Variants in PURA observed in about 807,000 individuals in gnomAD.
PURA encodes transcriptional activator protein Pur-alpha.
In PURA, 2 loss-of-function variants were observed where a neutral mutation model predicts 23.1. The ratio of observed to expected loss-of-function variants is 0.09; its 90% CI spans 0.04 to 0.27. PURA has a LOEUF of 0.27. PURA is among the 10% of genes least tolerant of loss of function. The pLI is 1.00. For synonymous variants in PURA, 254 were observed against 205.9 expected (o/e 1.23, Z -2.00); for missense variants, 187 against 449.7 (o/e 0.42, Z 5.28).
In PURA at chr5:140,114,228, G is replaced by C. The variant is rs1225708436; in HGVS notation, c.47G>C (p.Gly16Ala). 1.8e-6 allele frequency: 2 copies of C among 1,109,268 alleles called. No individual in the cohort carries two copies. Among genetic ancestry groups the C allele is most frequent in the Non-Finnish European group, 2.3e-6 (2 of 888,040 alleles). 68.7% of individuals were successfully genotyped at this position (1,109,268 alleles called of 1,614,324 possible). A position where few individuals can be genotyped will look rare whatever the true frequency, so the allele number is the denominator to read the frequency against. ...AGCGAGCAGGGTGGTGCGGCGCTGG[G>C]TTCGGGCGGCTCCCTGGGGCACCCC... is the stretch of plus-strand genomic sequence containing the variant. ...SGSEQGGAAL[G>A]SGGSLGHPGS... Residue 16 changes from glycine to alanine, a missense_variant, in exon 1 of 1, where the codon GGT (glycine) becomes GCT (alanine). Physicochemically the swap from Gly to Ala is moderately conservative, Grantham distance 60. Transcript: ENST00000331327.
rs1308471186 is a variant in PURA, at chr5:140,118,586, G to A, written c.*3436G>A. 6.0e-6 allele frequency: 1 copy of A among 166,906 alleles called. No homozygotes were observed. Among genetic ancestry groups the A allele is most frequent in the Non-Finnish European group, 1.5e-5 (1 of 68,036 alleles). 10.3% of individuals were successfully genotyped at this position (166,906 alleles called of 1,614,324 possible). Reference sequence around the variant, plus strand: ...ACAACAAAGGAAGTTCATAAGAAAAGCCATGTCGGCTTTTCCTCTACTAGA... The same window carrying A: ...ACAACAAAGGAAGTTCATAAGAAAAACCATGTCGGCTTTTCCTCTACTAGA... On this transcript the variant is annotated 3_prime_UTR_variant, in exon 1 of 1. Transcript: ENST00000331327.
rs766744555 is a variant in PURA at position 140,114,331 on chromosome 5, C to T, written c.150C>T (p.Ala50=). 1 of 1,448,220 alleles carries T rather than the reference C, an allele frequency of 6.9e-7. No individual in the cohort carries two copies. Among genetic ancestry groups the T allele is most frequent in the East Asian group, 2.8e-5 (1 of 36,352 alleles). The allele number at this position is 1,448,220 out of a possible 1,614,324, so 89.7% of individuals were successfully genotyped here. ...GGGSGGGGGG[A]PGGLQHETQE... ...GCAGTGGCGGCGGCGGCGGCGGGGC[C>T]CCAGGGGGGCTGCAGCACGAGACGC... The change falls in exon 1 of 1, where the codon GCC becomes GCT. Residue 50 remains alanine, a synonymous_variant. Transcript: ENST00000331327.
chr5:140,116,530 T>C lies in PURA; in HGVS notation c.*1380T>C, dbSNP rs1274893380. ...TCAAAAGTATGTTCTATAACTCATA[T>C]ATTCAAGGTGTAGGGTATGAAAATG... is the stretch of plus-strand genomic sequence containing the variant. On this transcript the variant is annotated 3_prime_UTR_variant, in exon 1 of 1. Coordinates refer to ENST00000331327, the MANE Select transcript of PURA (RefSeq NM_005859.5). The C allele has an allele frequency of 6.0e-6, 1 of 167,076 alleles. No homozygotes were observed. The highest frequency in any genetic ancestry group is 1.5e-5 in the Non-Finnish European group (1 of 68,110). 10.3% of individuals were successfully genotyped at this position (167,076 alleles called of 1,614,324 possible). A position where few individuals can be genotyped will look rare whatever the true frequency, so the allele number is the denominator to read the frequency against.
chr5:140,119,238 GAGAT>G lies in PURA; in HGVS notation c.*4089_*4092del, dbSNP rs1314725882. On this transcript the variant is annotated 3_prime_UTR_variant, in exon 1 of 1. Transcript: ENST00000331327. ...AAGACTGCCTCCTTTTTTGAAGAGA[GAGAT>G]TAAGGATTTTTATAATTGTTTTTCA... The G allele has an allele frequency of 3.0e-5, 5 of 166,840 alleles. No individual in the cohort carries two copies. The allele number at this position is 166,840 out of a possible 1,614,324, so 10.3% of individuals were successfully genotyped here. A position where few individuals can be genotyped will look rare whatever the true frequency, so the allele number is the denominator to read the frequency against.
Position 140,114,115 on chromosome 5 carries a change from G to A in PURA, c.-67G>A, listed in dbSNP as rs188901068. ...GGAGCCGGGGAGGGAAAGCAGCGGC[G>A]GCTGAGGCGACTGAGGCGGCGGGCG... On this transcript the variant is annotated 5_prime_UTR_variant, in exon 1 of 1. Coordinates refer to ENST00000331327, the MANE Select transcript of PURA (RefSeq NM_005859.5). The A allele has an allele frequency of 5.9e-6, 2 of 336,848 alleles. No homozygotes were observed. Among genetic ancestry groups the A allele is most frequent in the Admixed American group, 5.3e-5 (1 of 18,994 alleles). 20.9% of individuals were successfully genotyped at this position (336,848 alleles called of 1,614,324 possible). A position where few individuals can be genotyped will look rare whatever the true frequency, so the allele number is the denominator to read the frequency against.
Position 140,120,000 on chromosome 5 carries a change from AAGTG to A in PURA, c.*4853_*4856del, listed in dbSNP as rs768595284. On this transcript the variant is annotated 3_prime_UTR_variant, in exon 1 of 1. Coordinates refer to ENST00000331327, the MANE Select transcript of PURA (RefSeq NM_005859.5). ...ATTTTAAGATTTTCTTCACCATAAAAAGTGAGATACCAAGTCTAATGACTTTTTT... is the reference window on the plus strand; with the variant it reads ...ATTTTAAGATTTTCTTCACCATAAAAAGATACCAAGTCTAATGACTTTTTT... The A allele has an allele frequency of 6.0e-6, 1 of 166,808 alleles. No homozygotes were observed. The allele number at this position is 166,808 out of a possible 1,614,324, so 10.3% of individuals were successfully genotyped here. A position where few individuals can be genotyped will look rare whatever the true frequency, so the allele number is the denominator to read the frequency against.
chr5:140,115,156 CTGAA>C lies in PURA; in HGVS notation c.*11_*14del. ...AAGAAGGGGAAGAAGATTGATCAAA[CTGAA>C]TGAAACCCCCACACACACACACATG... On this transcript the variant is annotated 3_prime_UTR_variant, in exon 1 of 1. Transcript: ENST00000331327. The surrounding 1 kb of genome is among the most constrained non-coding windows in gnomAD (Gnocchi z 4.1). The C allele has an allele frequency of 6.7e-7, 1 of 1,497,430 alleles. No homozygotes were observed. The highest frequency in any genetic ancestry group is 1.3e-5 in the South Asian group (1 of 76,214). 92.8% of individuals were successfully genotyped at this position (1,497,430 alleles called of 1,614,324 possible). A position where few individuals can be genotyped will look rare whatever the true frequency, so the allele number is the denominator to read the frequency against.
chr5:140,114,946 C>T lies in PURA; in HGVS notation c.765C>T (p.Asn255=), dbSNP rs1461146272. Residue 255 remains asparagine, a synonymous_variant, in exon 1 of 1, where the codon AAC becomes AAT. Coordinates refer to ENST00000331327, the MANE Select transcript of PURA (RefSeq NM_005859.5). ...GCGAGGTGAAGCCCACCTATCGCAA[C>T]TCCATCACCGTGCCCTACAAGGTGT... ...RVSEVKPTYR[N]SITVPYKVWA... is the part of the protein sequence containing the mutation. 6.2e-7 allele frequency: 1 copy of T among 1,614,252 alleles called. No homozygotes were observed. Among genetic ancestry groups the T allele is most frequent in the Admixed American group, 1.7e-5 (1 of 60,034 alleles).
rs991549757 is a variant in PURA at position 140,120,517 on chromosome 5, G to C, written c.*5367G>C. The C allele has an allele frequency of 1.2e-5, 2 of 166,506 alleles. No individual in the cohort carries two copies. The highest frequency in any genetic ancestry group is 4.8e-5 in the African/African-American group (2 of 41,392). The allele number at this position is 166,506 out of a possible 1,614,324, so 10.3% of individuals were successfully genotyped here. ...CTTTGCAGATTTTGTGATATATTAA[G>C]AAAAGCTGATTTTAATATTAATATT... is the stretch of plus-strand genomic sequence containing the variant. On this transcript the variant is annotated 3_prime_UTR_variant, in exon 1 of 1. Coordinates refer to ENST00000331327, the MANE Select transcript of PURA (RefSeq NM_005859.5).
rs1763039263 is a variant in PURA at position 140,114,315 on chromosome 5, G to C, written c.134G>C (p.Gly45Ala). 7.6e-7 allele frequency: 1 copy of C among 1,318,876 alleles called. No homozygotes were observed. The highest frequency in any genetic ancestry group is 9.6e-7 in the Non-Finnish European group (1 of 1,041,338). 81.7% of individuals were successfully genotyped at this position (1,318,876 alleles called of 1,614,324 possible). ...GGCGGGGGCGGCGGCGGCAGTGGCG[G>C]CGGCGGCGGCGGGGCCCCAGGGGGG... is the stretch of plus-strand genomic sequence containing the variant. ...GGGGGGGGSG[G>A]GGGGAPGGLQ... Residue 45 changes from glycine to alanine, a missense_variant, in exon 1 of 1, where the codon GGC (glycine) becomes GCC (alanine). Around this residue, in one of 9 missense-constraint regions of PURA, gnomAD observed 27 missense variants for 55.2 expected, o/e 0.49. Transcript: ENST00000331327.
At position 140,117,652 on chromosome 5, in the gene PURA, C is replaced by G. The variant is rs1278393891; in HGVS notation, c.*2502C>G. On this transcript the variant is annotated 3_prime_UTR_variant, in exon 1 of 1. Transcript: ENST00000331327. ...GATGCGAGTTCTTTCATGAGGTTTTCTTTAGGGCCAGAGTTACCTAAAGTG... is the reference window on the plus strand; with the variant it reads ...GATGCGAGTTCTTTCATGAGGTTTTGTTTAGGGCCAGAGTTACCTAAAGTG... 2 of 166,872 alleles carry G rather than the reference C, an allele frequency of 1.2e-5. No individual in the cohort carries two copies. Among genetic ancestry groups the G allele is most frequent in the African/African-American group, 4.8e-5 (2 of 41,446 alleles). 10.3% of individuals were successfully genotyped at this position (166,872 alleles called of 1,614,324 possible).
Position 140,116,499 on chromosome 5 carries a change from C to T in PURA, c.*1349C>T, listed in dbSNP as rs768382923. 2 of 166,962 alleles carry T rather than the reference C, an allele frequency of 1.2e-5. No individual in the cohort carries two copies. Among genetic ancestry groups the T allele is most frequent in the African/African-American group, 2.4e-5 (1 of 41,400 alleles). The allele number at this position is 166,962 out of a possible 1,614,324, so 10.3% of individuals were successfully genotyped here. On this transcript the variant is annotated 3_prime_UTR_variant, in exon 1 of 1. Coordinates refer to ENST00000331327, the MANE Select transcript of PURA (RefSeq NM_005859.5). ...ATTTGTGTTCCCCAAGTGTACAAGC[C>T]TTCTATCAAAAGTATGTTCTATAAC...
In PURA at chr5:140,114,827, G is replaced by T. The variant is rs1244177092; in HGVS notation, c.646G>T (p.Ala216Ser). Residue 216 changes from alanine (A) to serine (S), a missense_variant, in exon 1 of 1, where the codon GCC becomes TCC. Physicochemically the swap from Ala to Ser is moderately conservative, Grantham distance 99. Coordinates refer to ENST00000331327, the MANE Select transcript of PURA (RefSeq NM_005859.5). ...CGACTACGGAGTGGAGGAGGAGCCG[G>T]CCGAGCTGCCCGAGGGCACCTCCTT... Reference protein sequence around the residue: ...IDDYGVEEEPAELPEGTSLTV... With the variant: ...IDDYGVEEEPSELPEGTSLTV... The T allele has an allele frequency of 6.2e-7, 1 of 1,614,168 alleles. No individual in the cohort carries two copies. Among genetic ancestry groups the T allele is most frequent in the Non-Finnish European group, 8.5e-7 (1 of 1,179,996 alleles).
In PURA at chr5:140,114,789, C is replaced by T. The variant is rs2126749271; in HGVS notation, c.608C>T (p.Ala203Val). ...QGLIEFRDAL[A>V]KLIDDYGVEE... ...CTCATCGAGTTCCGTGACGCTCTGGCCAAGCTCATCGACGACTACGGAGTG... is the reference window on the plus strand; with the variant it reads ...CTCATCGAGTTCCGTGACGCTCTGGTCAAGCTCATCGACGACTACGGAGTG... The change falls in exon 1 of 1, where the codon GCC (alanine) becomes GTC (valine). Residue 203 changes from alanine to valine, a missense_variant. This residue lies in a region of PURA where 65 missense variants were observed against 158.6 expected (regional missense o/e 0.41). Coordinates refer to ENST00000331327, the MANE Select transcript of PURA (RefSeq NM_005859.5). 6.2e-7 allele frequency: 1 copy of T among 1,613,694 alleles called. No homozygotes were observed. The highest frequency in any genetic ancestry group is 1.1e-5 in the South Asian group (1 of 91,058).
At position 140,119,151 on chromosome 5, in the gene PURA, TATA is replaced by T. The variant is rs1763122286; in HGVS notation, c.*4004_*4006del. 1 of 166,862 alleles carries T rather than the reference TATA, an allele frequency of 6.0e-6. No individual in the cohort carries two copies. The highest frequency in any genetic ancestry group is 2.4e-5 in the African/African-American group (1 of 41,432). The allele number at this position is 166,862 out of a possible 1,614,324, so 10.3% of individuals were successfully genotyped here. On this transcript the variant is annotated 3_prime_UTR_variant, in exon 1 of 1. Transcript: ENST00000331327. The stretch of plus-strand genomic sequence containing the variant: ...TAAGTTTTGTATGCTAACAGAAAGA[TATA>T]ATTTAGCTACCTATTCTAAAAATGG...
chr5:140,116,134 G>T lies in PURA; in HGVS notation c.*984G>T, dbSNP rs555678787. On this transcript the variant is annotated 3_prime_UTR_variant, in exon 1 of 1. Coordinates refer to ENST00000331327, the MANE Select transcript of PURA (RefSeq NM_005859.5). ...TGTGTATATGAGATGTACTTGTATC[G>T]TTCATAATATATTTTTTTTATTATG... 4.2e-5 allele frequency: 7 copies of T among 167,102 alleles called. No individual in the cohort carries two copies. Among genetic ancestry groups the T allele is most frequent in the Non-Finnish European group, 7.3e-5 (5 of 68,082 alleles). 10.4% of individuals were successfully genotyped at this position (167,102 alleles called of 1,614,324 possible).
Position 140,114,772 on chromosome 5 carries a change from G to A in PURA, c.591G>A (p.Glu197=), listed in dbSNP as rs1315527516. The A allele has an allele frequency of 1.2e-6, 2 of 1,613,352 alleles. No individual in the cohort carries two copies. The highest frequency in any genetic ancestry group is 1.7e-6 in the Non-Finnish European group (2 of 1,179,578). Reference sequence around the variant, plus strand: ...CGCTGCCCGCGCAGGGGCTCATCGAGTTCCGTGACGCTCTGGCCAAGCTCA... The same window carrying A: ...CGCTGCCCGCGCAGGGGCTCATCGAATTCCGTGACGCTCTGGCCAAGCTCA... The part of the protein sequence containing the change: ...TIALPAQGLI[E]FRDALAKLID... The change falls in exon 1 of 1, where the codon GAG becomes GAA. Residue 197 remains glutamate, a synonymous_variant. Transcript: ENST00000331327.
chr5:140,114,604 G>A lies in PURA; in HGVS notation c.423G>A (p.Arg141=), dbSNP rs1160252551. Residue 141 remains arginine (R), a synonymous_variant, in exon 1 of 1, where the codon CGG becomes CGA. Transcript: ENST00000331327. ...DLAQAQDEPR[R]ALKSEFLVRE... ...CCCAGGCGCAGGACGAGCCGCGCCG[G>A]GCGCTCAAAAGCGAGTTCCTGGTGC... The A allele has an allele frequency of 8.7e-6, 14 of 1,606,876 alleles. No homozygotes were observed. The highest frequency in any genetic ancestry group is 1.1e-5 in the Non-Finnish European group (13 of 1,178,102).
chr5:140,114,111 CGGCGGCTGA>C lies in PURA; in HGVS notation c.-66_-58del, dbSNP rs903508871. The C allele has an allele frequency of 1.1e-4, 34 of 316,290 alleles. No homozygotes were observed. Among genetic ancestry groups the C allele is most frequent in the African/African-American group, 4.1e-4 (18 of 44,340 alleles). The allele number at this position is 316,290 out of a possible 1,614,324, so 19.6% of individuals were successfully genotyped here. ...AGGCGGAGCCGGGGAGGGAAAGCAG[CGGCGGCTGA>C]GGCGACTGAGGCGGCGGGCGGAGCG... On this transcript the variant is annotated 5_prime_UTR_variant, in exon 1 of 1. Coordinates refer to ENST00000331327, the MANE Select transcript of PURA (RefSeq NM_005859.5).
Sources: allele counts gnomAD v4.1 joint callset, GRCh38; gene constraint gnomAD v4.1.1; regional missense constraint gnomAD v4.1.1; non-coding constraint Gnocchi (gnomAD v3.1); transcripts MANE v1.5; gene names NCBI Gene and HGNC (gene_info 2026-07-23, HGNC 2026-07-21).